Variants in GREB1L observed in about 807,000 individuals in gnomAD.
GREB1L encodes GREB1 like retinoic acid receptor coactivator, also known as GREB1-like protein.
In GREB1L, 17 loss-of-function variants were observed where a neutral mutation model predicts 200.8. That is an observed-to-expected ratio of 0.08 (90% CI 0.06 to 0.13). The LOEUF (loss-of-function observed/expected upper bound fraction) is 0.13, where lower values mean the gene tolerates loss of function less well. Among genes scored for constraint, GREB1L ranks in the 10% least tolerant of loss-of-function variants. The probability of loss-of-function intolerance (pLI) is 1.00; values close to 1 mark genes in which losing one functional copy is unlikely to be tolerated. For synonymous variants in GREB1L, 789 were observed against 893.0 expected, an observed-to-expected ratio of 0.88 and a Z score of 2.08; for missense variants, 1,657 against 2,367.7, an observed-to-expected ratio of 0.70 and a Z score of 6.23.
At chr18:21,410,731 G>C (rs1311907409) in intron 7 of GREB1L, among the ~76,000 whole-genome samples, 1 of 127,190 alleles carries the variant, frequency 7.9e-6, no homozygotes, top group South Asian at 2.5e-4. Flanking sequence ...AGTCACCATA[G>C]AGTAAAAAAA....
intron 4 of GREB1L, chr18:21,387,674 T>C (rs1431290908): frequency 2.0e-5 from 3 of 152,206 alleles, no homozygotes; most frequent in Non-Finnish European, 4.4e-5. Flanking sequence ...TTTTGTTTTG[T>C]TTTTTCATTT....
chr18:21,345,372 C>T (rs901187427), intron 1 of GREB1L, among the ~76,000 whole-genome samples: 2 of 152,156 alleles, frequency 1.3e-5, no homozygotes, highest in Non-Finnish European at 1.5e-5. Context: ...AGGTAGGAGG[C>T]TGCAGTAATC....
intron 11 of GREB1L, among the ~76,000 whole-genome samples, chr18:21,447,572 C>G (rs1362404985): frequency 6.6e-6 from 1 of 152,156 alleles, no homozygotes; most frequent in Non-Finnish European, 1.5e-5. Flanking sequence ...TTACTTAGTC[C>G]TGGAGTGAGT....
At chr18:21,348,181 G>A (rs777980553) in intron 1 of GREB1L, among the ~76,000 whole-genome samples, 27 of 151,578 alleles carry the variant, frequency 1.8e-4, no homozygotes, top group African/African-American at 2.2e-4. Context: ...TCCTGACCTC[G>A]TGTTCCGCCC....
intron 2 of GREB1L, among the ~76,000 whole-genome samples, chr18:21,377,841 G>A (rs181271171): frequency 1.2e-4 from 18 of 151,868 alleles, no homozygotes; most frequent in African/African-American, 4.1e-4. Flanking sequence ...ACCCAGGAGC[G>A]GGAGGTTGCA....
chr18:21,262,507 C>T (rs1308703010), intron 1 of GREB1L, among the ~76,000 whole-genome samples: 1 of 152,158 alleles, frequency 6.6e-6, no homozygotes, highest in Admixed American at 6.6e-5. Flanking sequence ...TACACTTCTG[C>T]TTTCCCAAAC....
chr18:21,347,907 C>T (rs1460111027), intron 1 of GREB1L, among the ~76,000 whole-genome samples: 3 of 142,138 alleles, frequency 2.1e-5, no homozygotes, highest in African/African-American at 7.9e-5. Flanking sequence ...GCTGGGACTA[C>T]AAGCACGTGC....
intron 11 of GREB1L, among the ~76,000 whole-genome samples, chr18:21,445,235 G>A (rs2034145964): frequency 6.6e-6 from 1 of 152,266 alleles, no homozygotes; most frequent in African/African-American, 2.4e-5. Flanking sequence ...AACACTTTGG[G>A]AGGCCAAGGT....
intron 1 of GREB1L, among the ~76,000 whole-genome samples, chr18:21,364,045 G>GT (rs1419339034): frequency 2.0e-5 from 3 of 151,938 alleles, no homozygotes; most frequent in African/African-American, 4.8e-5. Context: ...TAAAATTTTT[G>GT]TTTTTTCTTT....
intron 21 of GREB1L, among the ~76,000 whole-genome samples, chr18:21,497,962 C>T (rs2036618599): frequency 6.6e-6 from 1 of 151,484 alleles, no homozygotes; most frequent in African/African-American, 2.4e-5. Flanking sequence ...GCTGGGATTA[C>T]AGGCACCCGC....
intron 4 of GREB1L, among the ~76,000 whole-genome samples, chr18:21,394,939 A>AG: frequency 6.7e-6 from 1 of 149,174 alleles, no homozygotes; most frequent in East Asian, 2.0e-4. Context: ...ACTAAAAAAA[A>AG]AAAAAAAAAA....
At chr18:21,324,121 A>C (rs1238746838) in intron 1 of GREB1L, among the ~76,000 whole-genome samples, 1 of 152,118 alleles carries the variant, frequency 6.6e-6, no homozygotes, top group Non-Finnish European at 1.5e-5. Flanking sequence ...CCAGTCAGTG[A>C]CTCCCAGATA....
chr18:21,394,177 G>A (rs1197389049), intron 4 of GREB1L, among the ~76,000 whole-genome samples: 1 of 152,162 alleles, frequency 6.6e-6, no homozygotes, highest in Non-Finnish European at 1.5e-5. Context: ...GATGGGCCTT[G>A]TTTATGTCAT....
intron 1 of GREB1L, among the ~76,000 whole-genome samples, chr18:21,336,051 C>T (rs1283518244): frequency 6.6e-6 from 1 of 152,136 alleles, no homozygotes; most frequent in East Asian, 1.9e-4. Flanking sequence ...GCTGCACTGA[C>T]GTTCTATCTT....
intron 1 of GREB1L, among the ~76,000 whole-genome samples, chr18:21,338,250 A>G (rs778261354): frequency 1.1e-4 from 17 of 152,150 alleles, no homozygotes; most frequent in Admixed American, 2.6e-4. Context: ...CTGAGAGGGA[A>G]TAAGAGCTCT....
At chr18:21,451,429 C>T (rs13381597) in intron 13 of GREB1L, 6,633 of 193,080 alleles carry the variant, frequency 0.034, 470 homozygotes, top group African/African-American at 0.15. Flanking sequence ...TCGGTTTGTT[C>T]GTTCGTTCCT....
At chr18:21,418,744 C>T (rs1228206458) in intron 7 of GREB1L, among the ~76,000 whole-genome samples, 4 of 152,120 alleles carry the variant, frequency 2.6e-5, no homozygotes, top group East Asian at 1.9e-4. Context: ...AGGCTGGTTT[C>T]GAGCTCCTGG....
Position 21,352,004 on chromosome 18 carries a change from C to T in GREB1L, c.-119-14023C>T, listed in dbSNP as rs1190956366. The stretch of plus-strand genomic sequence containing the variant: ...TTGGGATTACAGGCACGCGCCACCA[C>T]GCCCGGCTAATTTTTGTATTTTTAG... On this transcript the variant is annotated intron_variant, in intron 1 of 32. Transcript: ENST00000424526. Among the ~76,000 whole-genome samples, 3 of 152,016 alleles carry T rather than the reference C, an allele frequency of 2.0e-5. 1 individual carries two copies. The highest frequency in any genetic ancestry group is 4.2e-4 in the South Asian group (2 of 4,818).
intron 1 of GREB1L, among the ~76,000 whole-genome samples, chr18:21,306,245 G>A (rs1464348250): frequency 1.3e-5 from 2 of 152,190 alleles, no homozygotes; most frequent in East Asian, 3.9e-4. Context: ...ATTAGTGAAT[G>A]AGAATATTGA....
Sources: allele counts gnomAD v4.1 joint callset (sites outside exome capture counted in the v4.1 genomes callset), GRCh38; gene constraint gnomAD v4.1.1; transcripts MANE v1.5; gene names NCBI Gene and HGNC (gene_info 2026-07-23, HGNC 2026-07-21).